The following CPLANE1 variants were observed in gnomAD, a reference collection of about 807,000 sequenced individuals.
The protein encoded by CPLANE1 is ciliogenesis and planar polarity effector 1.
Under a neutral mutation model 362.5 loss-of-function variants are expected in CPLANE1, and 263 were observed. The ratio of observed to expected loss-of-function variants is 0.73; its 90% CI spans 0.66 to 0.80. The LOEUF (loss-of-function observed/expected upper bound fraction) is 0.80. Ranked by LOEUF, CPLANE1 falls within the 30% of genes least tolerant of loss-of-function variation. CPLANE1 has a pLI of 0.00. For missense variants in CPLANE1, 3,461 were observed against 3,793.4 expected, an observed-to-expected ratio of 0.91 and a Z score of 2.30; for synonymous variants, 1,212 against 1,302.6, an observed-to-expected ratio of 0.93 and a Z score of 1.50.
chr5:37,180,172 G>A lies in CPLANE1; in HGVS notation c.5582C>T (p.Thr1861Ile). Residue 1861 changes from threonine (T) to isoleucine (I), a missense_variant, in exon 28 of 53, where the codon ACT (threonine) becomes ATT (isoleucine). Transcript: ENST00000651892. ...SCQNILNRMP[T>I]EAKNPDIKEI... is the part of the protein sequence containing the mutation. ...TTTTATATCAGGATTTTTTGCTTCAGTTGGCATTCTACTGAAAAAAATGCA... is the reference window on the plus strand; with the variant it reads ...TTTTATATCAGGATTTTTTGCTTCAATTGGCATTCTACTGAAAAAAATGCA... 6.7e-7 allele frequency: 1 copy of A among 1,489,914 alleles called. No homozygotes were observed. The highest frequency in any genetic ancestry group is 8.9e-7 in the Non-Finnish European group (1 of 1,118,194). The allele number at this position is 1,489,914 out of a possible 1,614,324, so 92.3% of individuals were successfully genotyped here. A position where few individuals can be genotyped will look rare whatever the true frequency, so the allele number is the denominator to read the frequency against.
At chr5:37,229,616 G>A (rs1047888954) in intron 9 of CPLANE1, among the ~76,000 whole-genome samples, 5 of 151,978 alleles carry the variant, frequency 3.3e-5, no homozygotes, top group African/African-American at 1.2e-4. Flanking sequence ...TAAAGCAAAC[G>A]GAATAGATTA....
At chr5:37,119,695 G>C (rs973040868) in intron 50 of CPLANE1, among the ~76,000 whole-genome samples, 4 of 149,546 alleles carry the variant, frequency 2.7e-5, no homozygotes, top group African/African-American at 9.8e-5. Context: ...ATTAAAAAAA[G>C]CCATTCAAGG....
At position 37,169,428 on chromosome 5, in the gene CPLANE1, A is replaced by G. The variant is rs1383914163; in HGVS notation, c.6596T>C (p.Leu2199Pro). Residue 2199 changes from leucine to proline, a missense_variant, in exon 34 of 53, where the codon CTT becomes CCT. By Grantham distance (98) the Leu-to-Pro change is moderately conservative (BLOSUM62 -3). Transcript: ENST00000651892. ...CTGAACAACAGAAGGTGTGGACAAA[A>G]GGTAGAGGTGAGTATTTCCAGCAGG... ...PAPAGNTHLY[L>P]LSTPSVVQKA... is the part of the protein sequence containing the mutation. 6.2e-7 allele frequency: 1 copy of G among 1,614,214 alleles called. No individual in the cohort carries two copies. Among genetic ancestry groups the G allele is most frequent in the Admixed American group, 1.7e-5 (1 of 60,024 alleles).
Position 37,182,957 on chromosome 5 carries a change from T to G in CPLANE1, c.5224A>C (p.Ser1742Arg). Residue 1742 changes from serine to arginine, a missense_variant, in exon 26 of 53, where the codon AGT (serine) becomes CGT (arginine). Ser to Arg is a moderately radical substitution (Grantham distance 110). Coordinates refer to ENST00000651892, the MANE Select transcript of CPLANE1 (RefSeq NM_001384732.1). The stretch of plus-strand genomic sequence containing the variant: ...ATCCATTCCAGCAGTCTTCCTATAC[T>G]GCCAAAAGTGTTTAGTGCTAAAGGA... ...DLPLALNTFG[S>R]IGRLLEWMIR... The G allele has an allele frequency of 3.1e-6, 5 of 1,605,838 alleles. No individual in the cohort carries two copies. Among genetic ancestry groups the G allele is most frequent in the Non-Finnish European group, 4.3e-6 (5 of 1,176,270 alleles).
At chr5:37,203,085 T>TTAA (rs1789674427) in intron 18 of CPLANE1, among the ~76,000 whole-genome samples, 1 of 152,210 alleles carries the variant, frequency 6.6e-6, no homozygotes, top group African/African-American at 2.4e-5. Flanking sequence ...ATAATTTACA[T>TTAA]ACTATATCCA....
At chr5:37,223,640 A>G (rs530300562) in intron 14 of CPLANE1, among the ~76,000 whole-genome samples, 67 of 152,346 alleles carry the variant, frequency 4.4e-4, no homozygotes, top group Admixed American at 3.3e-3. Flanking sequence ...CATAAAAGCT[A>G]TAACTTGTTT....
the CPLANE1 span, among the ~76,000 whole-genome samples, chr5:37,098,826 T>C: frequency 1.3e-5 from 2 of 149,918 alleles, no homozygotes; most frequent in East Asian, 3.9e-4. Flanking sequence ...AAGAAATTTA[T>C]TGCAACACAC....
chr5:37,212,183 A>C, intron 16 of CPLANE1: 1 of 1,313,130 alleles, frequency 7.6e-7, no homozygotes, highest in Non-Finnish European at 1.1e-6. Context: ...TGAGTAATCA[A>C]GAAATGAAAG....
rs2151089788 is a variant in CPLANE1, at chr5:37,179,420, C to T, written c.5761G>A (p.Gly1921Ser). The T allele has an allele frequency of 6.2e-7, 1 of 1,612,838 alleles. No homozygotes were observed. Among genetic ancestry groups the T allele is most frequent in the Non-Finnish European group, 8.5e-7 (1 of 1,179,262 alleles). Residue 1921 changes from glycine (G) to serine (S), a missense_variant, in exon 29 of 53, where the codon GGT (glycine) becomes AGT (serine). Around this residue, in one of 2 missense-constraint regions of CPLANE1, gnomAD observed 3,380 missense variants for 3,666.1 expected, o/e 0.92. Coordinates refer to ENST00000651892, the MANE Select transcript of CPLANE1 (RefSeq NM_001384732.1). ...ATGGCAAGACTGGGACTTCTGAAAC[C>T]TCCAACAGATTCTTCAATGTCTTCT... ...YEEDIEESVGGFRSPSLAICM... is the reference protein window; with the variant it reads ...YEEDIEESVGSFRSPSLAICM...
intron 47 of CPLANE1, chr5:37,124,756 T>C: frequency 3.0e-6 from 1 of 328,362 alleles, no homozygotes; most frequent in Non-Finnish European, 4.4e-6. Context: ...GATCTCATGA[T>C]ATTGCCCAGG....
rs373199479 is a variant in CPLANE1, at chr5:37,186,353, G to A, written c.4122C>T (p.Asp1374=). The change falls in exon 24 of 53, where the codon GAC becomes GAT. Residue 1374 remains aspartate, a synonymous_variant. Coordinates refer to ENST00000651892, the MANE Select transcript of CPLANE1 (RefSeq NM_001384732.1). The part of the protein sequence containing the change: ...IFVKAFPYPE[D]VRVPLRDKYH... ...ATTTGTCTCTTAAAGGAACCCTCAC[G>A]TCCTCAGGATAGGGAAATGCTTTCA... 5.6e-6 allele frequency: 9 copies of A among 1,605,492 alleles called. No individual in the cohort carries two copies. The highest frequency in any genetic ancestry group is 4.5e-5 in the East Asian group (2 of 44,800).
Position 37,187,790 on chromosome 5 carries a change from C to T in CPLANE1, c.3864G>A (p.Lys1288=), listed in dbSNP as rs1580550623. 6.2e-7 allele frequency: 1 copy of T among 1,613,900 alleles called. No individual in the cohort carries two copies. Among genetic ancestry groups the T allele is most frequent in the African/African-American group, 1.3e-5 (1 of 75,016 alleles). The change falls in exon 22 of 53, where the codon AAG becomes AAA. Residue 1288 remains lysine (K), a synonymous_variant. Coordinates refer to ENST00000651892, the MANE Select transcript of CPLANE1 (RefSeq NM_001384732.1). The stretch of plus-strand genomic sequence containing the variant: ...GATATTGCCTGCAACTATAGGATAA[C>T]TTATCACGGACATGCAGCATCCAAC... ...ALCWMLHVRD[K]LSYSCRQYQK...
Position 37,158,325 on chromosome 5 carries a change from GA to G in CPLANE1, c.7710del (p.Pro2571LeufsTer10). The G allele has an allele frequency of 6.2e-7, 1 of 1,613,384 alleles. No homozygotes were observed. The highest frequency in any genetic ancestry group is 8.5e-7 in the Non-Finnish European group (1 of 1,179,650). On this transcript the variant is annotated frameshift_variant, in exon 39 of 53. Transcript: ENST00000651892. LOFTEE classifies it high-confidence loss of function. ...NTDPEHEPLT[A>X]PQLLVPDVYL... The stretch of plus-strand genomic sequence containing the variant: ...TAGACATCTGGGACCAAGAGCTGAG[GA>G]GCAGTCAAAGGCTCATGTTCTGAAA...
At chr5:37,132,912 T>C (rs1021271257) in intron 46 of CPLANE1, among the ~76,000 whole-genome samples, 2 of 152,222 alleles carry the variant, frequency 1.3e-5, no homozygotes, top group African/African-American at 2.4e-5. Context: ...TGAGGTCTTA[T>C]ATTTAAATGT....
chr5:37,227,873 CA>C (rs1376180294), intron 9 of CPLANE1, 56 bp from the exon 10 acceptor site: 3 of 1,440,194 alleles, frequency 2.1e-6, no homozygotes, highest in Non-Finnish European at 2.8e-6. Context: ...TTACGGAAAA[CA>C]ATAATGTTTT....
Position 37,183,606 on chromosome 5 carries a change from TTC to T in CPLANE1, c.4573_4574del (p.Glu1525ArgfsTer3). 1 of 1,612,730 alleles carries T rather than the reference TTC, an allele frequency of 6.2e-7. No homozygotes were observed. On this transcript the variant is annotated frameshift_variant, in exon 26 of 53. Coordinates refer to ENST00000651892, the MANE Select transcript of CPLANE1 (RefSeq NM_001384732.1). Reference sequence around the variant, plus strand: ...TATTTTGTGATAACTTTTCATGATCTTCTTTCTTTGTAGGATTTTCTTTCTGA... The same window carrying T: ...TATTTTGTGATAACTTTTCATGATCTTTTCTTTGTAGGATTTTCTTTCTGA... ...CNQKENPTKK[E>X]DHEKLSQNTL...
At position 37,178,443 on chromosome 5, in the gene CPLANE1, G is replaced by GT. The variant is rs78702395; in HGVS notation, c.5821-744dup. On this transcript the variant is annotated intron_variant, in intron 29 of 52. Coordinates refer to ENST00000651892, the MANE Select transcript of CPLANE1 (RefSeq NM_001384732.1). ...CAAGGCCCAGTCTCTACAAAAAAAT[G>GT]TTTTTTTTTTTTTAAATTAGCTGGG... is the stretch of plus-strand genomic sequence containing the variant. Among the ~76,000 whole-genome samples, 642 of 142,418 alleles carry GT rather than the reference G, an allele frequency of 4.5e-3. 3 individuals are homozygous for GT. The highest frequency in any genetic ancestry group is 0.012 in the African/African-American group (459 of 39,090). The allele number at this position is 142,418 out of a possible 152,430, so 93.4% of individuals were successfully genotyped here.
intron 4 of CPLANE1, 71 bp from the exon 5 acceptor site, chr5:37,244,678 T>TTGG: frequency 4.6e-6 from 4 of 872,068 alleles, no homozygotes; most frequent in Non-Finnish European, 7.0e-6. Flanking sequence ...ACATAATTTA[T>TTGG]GTATTCTTAC....
At chr5:37,170,539 A>AT (rs1779506485) in intron 32 of CPLANE1, among the ~76,000 whole-genome samples, 1 of 152,096 alleles carries the variant, frequency 6.6e-6, no homozygotes, top group African/African-American at 2.4e-5. Context: ...TCAACCAGGC[A>AT]TATGAATACT....
Sources: gnomAD v4.1 joint callset for allele counts (sites outside exome capture counted in the v4.1 genomes callset) on GRCh38, gnomAD v4.1.1 for gene constraint, gnomAD v4.1.1 regional missense constraint, MANE v1.5 for transcripts, NCBI Gene and HGNC (gene_info 2026-07-23, HGNC 2026-07-21) for gene names.